The following CDC42BPB variants were observed in gnomAD, a reference collection of about 807,000 sequenced individuals.
The protein encoded by CDC42BPB is serine/threonine-protein kinase MRCK beta.
CDC42BPB carries 37 observed loss-of-function variants against 214.9 expected under a neutral mutation model. That is an observed-to-expected ratio of 0.17 (90% CI 0.13 to 0.23). The LOEUF (loss-of-function observed/expected upper bound fraction) is 0.23, where lower values mean the gene tolerates loss of function less well. Ranked by LOEUF, CDC42BPB falls within the 10% of genes least tolerant of loss-of-function variation. The pLI, the probability that CDC42BPB is intolerant of heterozygous loss-of-function variation, is 1.00. For missense variants in CDC42BPB, 1,694 were observed against 2,227.0 expected, an observed-to-expected ratio of 0.76 and a Z score of 4.82; for synonymous variants, 931 against 884.0, an observed-to-expected ratio of 1.05 and a Z score of -0.94.
At chr14:102,934,079 A>C (rs1891520967) in intron 36 of CDC42BPB, 4 of 1,233,264 alleles carry the variant, frequency 3.2e-6, no homozygotes, top group East Asian at 6.9e-5. Context: ...TTATCATTAC[A>C]AAAGACAGCA....
intron 5 of CDC42BPB, among the ~76,000 whole-genome samples, chr14:102,991,192 TGG>T (rs775160844): frequency 1.3e-5 from 2 of 152,236 alleles, no homozygotes; most frequent in Non-Finnish European, 2.9e-5. Flanking sequence ...AAGGGGCTGA[TGG>T]ATATTGTACA....
At chr14:103,018,993 G>C (rs1213972020) in intron 1 of CDC42BPB, among the ~76,000 whole-genome samples, 1 of 152,158 alleles carries the variant, frequency 6.6e-6, no homozygotes, top group Non-Finnish European at 1.5e-5. Flanking sequence ...GACCAGGCTG[G>C]AGTGCAGTGG....
At chr14:103,010,582 T>C (rs1044915524) in intron 2 of CDC42BPB, among the ~76,000 whole-genome samples, 1 of 152,228 alleles carries the variant, frequency 6.6e-6, no homozygotes, top group Admixed American at 6.5e-5. Flanking sequence ...TGGTGTCCAG[T>C]AGGTTTGCTG....
At chr14:102,949,171 CACA>C (rs771038242) in intron 26 of CDC42BPB, among the ~76,000 whole-genome samples, 1 of 152,226 alleles carries the variant, frequency 6.6e-6, no homozygotes, top group African/African-American at 2.4e-5. Context: ...CGTTTACCTT[CACA>C]ACAACATTCC....
At chr14:103,030,602 G>A (rs562910237) in intron 1 of CDC42BPB, among the ~76,000 whole-genome samples, 10 of 152,234 alleles carry the variant, frequency 6.6e-5, no homozygotes, top group Admixed American at 3.3e-4. Context: ...CGGCTGAGGC[G>A]GGAGGATCAC....
chr14:102,954,548 T>C (rs1228040057), intron 22 of CDC42BPB, 54 bp downstream of exon 22: 14 of 1,528,754 alleles, frequency 9.2e-6, no homozygotes, highest in Non-Finnish European at 1.3e-5. Context: ...TCTGGTCACC[T>C]GGACACGAGG....
chr14:102,940,250 C>T lies in CDC42BPB; in HGVS notation c.4483G>A (p.Val1495Met), dbSNP rs1264559702. The T allele has an allele frequency of 6.3e-7, 1 of 1,599,930 alleles. No homozygotes were observed. Among genetic ancestry groups the T allele is most frequent in the African/African-American group, 1.3e-5 (1 of 74,720 alleles). Residue 1495 changes from valine to methionine, a missense_variant, in exon 31 of 37, where the codon GTG becomes ATG. Coordinates refer to ENST00000361246, the MANE Select transcript of CDC42BPB (RefSeq NM_006035.4). ...DVFDVRTMEW[V>M]QTIGLRRIRP... ...ACCCTCCGCAGGCCGATGGTCTGCA[C>T]CCACTCCATGGTGCGCACATCAAAG...
At chr14:103,026,724 C>G (rs192472408) in intron 1 of CDC42BPB, among the ~76,000 whole-genome samples, 112 of 151,616 alleles carry the variant, frequency 7.4e-4, no homozygotes, top group Non-Finnish European at 1.3e-3. Context: ...AAAAATTAGC[C>G]AGGCATGGTG....
chr14:103,033,676 G>C (rs1887515647), intron 1 of CDC42BPB, among the ~76,000 whole-genome samples: 1 of 152,142 alleles, frequency 6.6e-6, no homozygotes, highest in Non-Finnish European at 1.5e-5. Context: ...AAGGAAGAAT[G>C]ACATTTTCAT....
chr14:102,939,489 G>T, intron 34 of CDC42BPB, 121 bp downstream of exon 34: 1 of 725,156 alleles, frequency 1.4e-6, no homozygotes, highest in Non-Finnish European at 2.4e-6. Context: ...GGAGCGCCAG[G>T]TCAGAGCACA....
chr14:103,040,241 G>A (rs1413452767), intron 1 of CDC42BPB, among the ~76,000 whole-genome samples: 2 of 151,844 alleles, frequency 1.3e-5, no homozygotes, highest in Non-Finnish European at 1.5e-5. Flanking sequence ...TGCAATCCCA[G>A]CTACTCGGGA....
intron 1 of CDC42BPB, among the ~76,000 whole-genome samples, chr14:103,053,529 A>T (rs547479303): frequency 2.0e-5 from 3 of 152,040 alleles, no homozygotes; most frequent in South Asian, 2.1e-4. Flanking sequence ...TGGGAGGCCA[A>T]GGGGGGCAGA....
At chr14:103,033,198 C>T (rs1887487834) in intron 1 of CDC42BPB, among the ~76,000 whole-genome samples, 1 of 151,942 alleles carries the variant, frequency 6.6e-6, no homozygotes, top group Non-Finnish European at 1.5e-5. Context: ...ATTCTATATG[C>T]TCTACCTCTT....
At chr14:102,962,748 G>C (rs180988687) in intron 20 of CDC42BPB, among the ~76,000 whole-genome samples, 2 of 152,170 alleles carry the variant, frequency 1.3e-5, no homozygotes, top group African/African-American at 4.8e-5. Flanking sequence ...AGCTACTTGC[G>C]AGGCTGAGGC....
chr14:103,003,339 T>G (rs1472586284), intron 4 of CDC42BPB, among the ~76,000 whole-genome samples: 1 of 152,254 alleles, frequency 6.6e-6, no homozygotes, highest in East Asian at 1.9e-4. Flanking sequence ...CCAAGTCAGC[T>G]GCCTTAGAGT....
intron 4 of CDC42BPB, among the ~76,000 whole-genome samples, chr14:103,003,611 T>C (rs1321264234): frequency 6.6e-6 from 1 of 152,228 alleles, no homozygotes; most frequent in African/African-American, 2.4e-5. Context: ...TAATCCCCAC[T>C]GCGGTTCCTT....
At chr14:102,950,307 G>A (rs536222522) in intron 25 of CDC42BPB, among the ~76,000 whole-genome samples, 159 bp downstream of exon 25, 10 of 152,360 alleles carry the variant, frequency 6.6e-5, no homozygotes, top group East Asian at 1.9e-4. Context: ...CGGCTGCGCC[G>A]ACCTGATGGC....
Position 102,971,843 on chromosome 14 carries a change from C to T in CDC42BPB, c.1884+76G>A, listed in dbSNP as rs918433968. On this transcript the variant is annotated intron_variant, in intron 13 of 36. Transcript: ENST00000361246. ...TGACCCCTTTTACAGTAATGCAGCC[C>T]AAGATTTCAAAGACGTTTTATAAAA... The T allele has an allele frequency of 3.6e-5, 53 of 1,489,842 alleles. No homozygotes were observed. The African/African-American group carries it at 5.1e-4, about 14-fold the overall frequency. The allele number at this position is 1,489,842 out of a possible 1,614,324, so 92.3% of individuals were successfully genotyped here. A position where few individuals can be genotyped will look rare whatever the true frequency, so the allele number is the denominator to read the frequency against.
Position 102,972,157 on chromosome 14 carries a change from A to G in CDC42BPB, c.1646T>C (p.Leu549Pro). The change falls in exon 13 of 37, where the codon CTG (leucine) becomes CCG (proline). Residue 549 changes from leucine to proline, a missense_variant. Leu to Pro is a moderately conservative substitution (Grantham distance 98). Coordinates refer to ENST00000361246, the MANE Select transcript of CDC42BPB (RefSeq NM_006035.4). Reference protein sequence around the residue: ...RQEKEELHKQLVEASERLKSQ... With the variant: ...RQEKEELHKQPVEASERLKSQ... Reference sequence around the variant, plus strand: ...TTTCAACCGCTCTGAGGCTTCAACCAGTTGCTGAACAAAAACAATTATAGA... The same window carrying G: ...TTTCAACCGCTCTGAGGCTTCAACCGGTTGCTGAACAAAAACAATTATAGA... 1 of 1,613,490 alleles carries G rather than the reference A, an allele frequency of 6.2e-7. No homozygotes were observed. Among genetic ancestry groups the G allele is most frequent in the Non-Finnish European group, 8.5e-7 (1 of 1,179,548 alleles).
Sources: gnomAD v4.1 joint callset for allele counts (sites outside exome capture counted in the v4.1 genomes callset) on GRCh38, gnomAD v4.1.1 for gene constraint, MANE v1.5 for transcripts, NCBI Gene and HGNC (gene_info 2026-07-23, HGNC 2026-07-21) for gene names.